Variants in DCAF8L2 observed in about 807,000 individuals in gnomAD.
DCAF8L2 encodes the protein DDB1 and CUL4 associated factor 8 like 2.
For missense variants in DCAF8L2, 430 were observed against 490.7 expected (o/e 0.88, Z 1.17); for synonymous variants, 200 against 190.9 (o/e 1.05, Z -0.39).
chrX:27,550,332 T>C, the DCAF8L2 span, among the ~76,000 whole-genome samples: 3 of 111,816 alleles, frequency 2.7e-5, no homozygotes, highest in Non-Finnish European at 3.8e-5. Flanking sequence ...GTATACATTG[T>C]ATAATGATTA....
At chrX:27,714,810 C>T (rs972148433) in intron 3 of DCAF8L2, among the ~76,000 whole-genome samples, 2 of 112,261 alleles carry the variant, frequency 1.8e-5, no homozygotes, top group Non-Finnish European at 3.8e-5. Context: ...TGGATTCTAT[C>T]AGGTTTGAGG....
At chrX:27,744,077 A>G (rs996132016) in intron 4 of DCAF8L2, among the ~76,000 whole-genome samples, 4 of 111,230 alleles carry the variant, frequency 3.6e-5, no homozygotes, top group African/African-American at 6.6e-5. Flanking sequence ...TTCAAGTCCA[A>G]CCTATGATAA....
intron 1 of DCAF8L2, among the ~76,000 whole-genome samples, chrX:27,623,228 G>T (rs73530627): frequency 0.1 from 11,199 of 110,530 alleles, 964 homozygotes; most frequent in African/African-American, 0.29. Context: ...TGAGGATAGA[G>T]TTCTCTCACT....
At chrX:27,550,801 A>T in the DCAF8L2 span, among the ~76,000 whole-genome samples, 7 of 102,580 alleles carry the variant, frequency 6.8e-5, no homozygotes, top group Non-Finnish European at 1.0e-4. Flanking sequence ...ACAATATTTT[A>T]TTGTGCTTTG....
the DCAF8L2 span, among the ~76,000 whole-genome samples, chrX:27,515,613 C>T: frequency 8.9e-6 from 1 of 112,123 alleles, no homozygotes; most frequent in African/African-American, 3.2e-5. Flanking sequence ...AAAATTCACA[C>T]AATCTTAAAA....
At chrX:27,640,401 AT>A (rs746935424) in intron 2 of DCAF8L2, among the ~76,000 whole-genome samples, 274 of 111,973 alleles carry the variant, frequency 2.4e-3, no homozygotes, top group Non-Finnish European at 4.3e-3. Flanking sequence ...ATACATTTGC[AT>A]TTATCCATGT....
At chrX:27,489,111 G>GTTTC in the DCAF8L2 span, among the ~76,000 whole-genome samples, 1 of 110,272 alleles carries the variant, frequency 9.1e-6, no homozygotes, top group African/African-American at 3.3e-5. Flanking sequence ...TTGTTTGTTT[G>GTTTC]TTTTGAGACA....
chrX:27,682,778 AAG>A (rs1491324986), intron 3 of DCAF8L2, among the ~76,000 whole-genome samples: 1 of 104,655 alleles, frequency 9.6e-6, no homozygotes, highest in African/African-American at 4.0e-5. Context: ...TGTATTTCTC[AAG>A]AAAAAAAAAA....
At chrX:27,474,851 G>A in the DCAF8L2 span, among the ~76,000 whole-genome samples, 15 of 111,071 alleles carry the variant, frequency 1.4e-4, no homozygotes, top group Non-Finnish European at 2.4e-4. Context: ...CAAAAGACAC[G>A]AGTGACTCCT....
chrX:27,558,578 G>A, the DCAF8L2 span, among the ~76,000 whole-genome samples: 1 of 110,863 alleles, frequency 9.0e-6, no homozygotes, highest in East Asian at 2.8e-4. Context: ...AATATGCTGG[G>A]GGATGGAGTA....
the DCAF8L2 span, among the ~76,000 whole-genome samples, chrX:27,469,854 C>T: frequency 9.1e-6 from 1 of 109,299 alleles, no homozygotes; most frequent in Non-Finnish European, 1.9e-5. Context: ...CTGCAACCTC[C>T]GCCTCCTGAG....
At chrX:27,514,932 C>T in the DCAF8L2 span, among the ~76,000 whole-genome samples, 4 of 110,673 alleles carry the variant, frequency 3.6e-5, no homozygotes, top group African/African-American at 1.3e-4. Flanking sequence ...GTGGGTACAA[C>T]GTTACAGTTA....
the DCAF8L2 span, among the ~76,000 whole-genome samples, chrX:27,545,613 G>A: frequency 2.7e-5 from 3 of 111,494 alleles, no homozygotes; most frequent in Non-Finnish European, 5.6e-5. Context: ...CTCATCATAG[G>A]GAGTAAGTTC....
chrX:27,573,254 T>TCA, the DCAF8L2 span, among the ~76,000 whole-genome samples: 35 of 99,727 alleles, frequency 3.5e-4, no homozygotes, highest in African/African-American at 2.3e-4. Flanking sequence ...TCTCTCTCTC[T>TCA]CACACACACA....
At chrX:27,469,378 G>A in the DCAF8L2 span, among the ~76,000 whole-genome samples, 14 of 111,887 alleles carry the variant, frequency 1.3e-4, no homozygotes, top group Admixed American at 1.9e-4. Context: ...CTATAGCCAT[G>A]TTGTATAAGT....
intron 2 of DCAF8L2, among the ~76,000 whole-genome samples, chrX:27,640,199 A>G (rs1476984065): frequency 3.6e-5 from 4 of 111,967 alleles, no homozygotes; most frequent in Admixed American, 9.5e-5. Context: ...GTTCTCACAC[A>G]TAGGTAGGAA....
intron 4 of DCAF8L2, among the ~76,000 whole-genome samples, chrX:27,724,348 A>G (rs1226579930): frequency 1.8e-5 from 2 of 111,137 alleles, no homozygotes; most frequent in Non-Finnish European, 3.8e-5. Flanking sequence ...GAGGCTTTAT[A>G]TATTTCTCAA....
the DCAF8L2 span, among the ~76,000 whole-genome samples, chrX:27,568,766 A>AC: frequency 1.7e-4 from 18 of 107,066 alleles, no homozygotes; most frequent in African/African-American, 5.8e-4. Context: ...GGTGTGCTGT[A>AC]CCCATTAACT....
At chrX:27,699,598 C>T (rs1261165299) in intron 3 of DCAF8L2, among the ~76,000 whole-genome samples, 2 of 111,421 alleles carry the variant, frequency 1.8e-5, no homozygotes, top group East Asian at 2.8e-4. Context: ...AGGCCAGAGA[C>T]GATGATGTCT....
Sources: allele counts gnomAD v4.1 joint callset (sites outside exome capture counted in the v4.1 genomes callset), GRCh38; gene constraint gnomAD v4.1.1; transcripts MANE v1.5; gene names NCBI Gene and HGNC (gene_info 2026-07-23, HGNC 2026-07-21).